Variants in ST8SIA1 observed in about 807,000 individuals in gnomAD.
The protein encoded by ST8SIA1 is ST8 alpha-N-acetyl-neuraminide alpha-2,8-sialyltransferase 1.
Under a neutral mutation model 35.9 loss-of-function variants are expected in ST8SIA1, and 16 were observed. The ratio of observed to expected loss-of-function variants is 0.45; its 90% CI spans 0.30 to 0.68. The LOEUF is 0.68. Among genes scored for constraint, ST8SIA1 ranks in the 30% least tolerant of loss-of-function variants. The pLI is 0.09. For synonymous variants in ST8SIA1, 170 were observed against 169.6 expected, an observed-to-expected ratio of 1.00 and a Z score of -0.02; for missense variants, 383 against 453.6, an observed-to-expected ratio of 0.84 and a Z score of 1.41.
intron 1 of ST8SIA1, among the ~76,000 whole-genome samples, chr12:22,291,858 A>G (rs1866180543): frequency 6.6e-6 from 1 of 152,162 alleles, no homozygotes; most frequent in African/African-American, 2.4e-5. Context: ...ACTACCTAGG[A>G]GAGTAAATTG....
At chr12:22,263,438 T>A (rs1047892747) in intron 2 of ST8SIA1, among the ~76,000 whole-genome samples, 2 of 152,222 alleles carry the variant, frequency 1.3e-5, no homozygotes, top group African/African-American at 4.8e-5. Flanking sequence ...GTTGCTTTTA[T>A]ATGTTGGGAG....
chr12:22,301,921 T>G (rs1339420052), intron 1 of ST8SIA1, among the ~76,000 whole-genome samples: 2 of 152,176 alleles, frequency 1.3e-5, no homozygotes, highest in African/African-American at 4.8e-5. Context: ...AAATCTTATC[T>G]GAGATTCCTT....
intron 4 of ST8SIA1, among the ~76,000 whole-genome samples, chr12:22,211,090 ACT>A (rs1200147787): frequency 1.3e-5 from 2 of 152,062 alleles, no homozygotes; most frequent in African/African-American, 4.8e-5. Flanking sequence ...GCTCAATTAA[ACT>A]CTGTTAAATT....
chr12:22,266,384 A>G (rs1865848944), intron 2 of ST8SIA1, among the ~76,000 whole-genome samples: 1 of 152,036 alleles, frequency 6.6e-6, no homozygotes, highest in African/African-American at 2.4e-5. Context: ...CATTTATTCA[A>G]TACTTCAGAG....
At chr12:22,301,814 C>T (rs555989824) in intron 1 of ST8SIA1, among the ~76,000 whole-genome samples, 12 of 152,126 alleles carry the variant, frequency 7.9e-5, no homozygotes, top group Non-Finnish European at 1.8e-4. Context: ...CTCAGGAGCC[C>T]CAGCCTTTTA....
chr12:22,324,295 G>C (rs1014340502), intron 1 of ST8SIA1: 10 of 152,076 alleles, frequency 6.6e-5, no homozygotes, highest in Non-Finnish European at 1.5e-4. Flanking sequence ...TTTAAAAAAA[G>C]AACTGGCGCT....
At chr12:22,235,334 A>T (rs1865465389) in intron 4 of ST8SIA1, among the ~76,000 whole-genome samples, 1 of 152,218 alleles carries the variant, frequency 6.6e-6, no homozygotes, top group Non-Finnish European at 1.5e-5. Flanking sequence ...TTGGGACTAT[A>T]TTCTATTTAA....
intron 1 of ST8SIA1, among the ~76,000 whole-genome samples, chr12:22,318,769 C>A (rs1305671309): frequency 6.6e-6 from 1 of 152,130 alleles, no homozygotes; most frequent in Non-Finnish European, 1.5e-5. Flanking sequence ...TTATCATTTG[C>A]GATTCATTCC....
chr12:22,304,639 C>T, intron 1 of ST8SIA1, among the ~76,000 whole-genome samples: 1 of 152,132 alleles, frequency 6.6e-6, no homozygotes, highest in Non-Finnish European at 1.5e-5. Flanking sequence ...GCAACAGAGG[C>T]TACTCTCAGG....
intron 2 of ST8SIA1, among the ~76,000 whole-genome samples, chr12:22,265,133 G>T (rs953034893): frequency 6.6e-6 from 1 of 152,194 alleles, no homozygotes; most frequent in African/African-American, 2.4e-5. Flanking sequence ...TACTGATGTT[G>T]TTTCTGAACC....
intron 4 of ST8SIA1, among the ~76,000 whole-genome samples, chr12:22,248,164 T>C (rs943926686): frequency 2.6e-5 from 4 of 152,192 alleles, no homozygotes; most frequent in African/African-American, 9.7e-5. Context: ...AAACAAGTAG[T>C]GCCACGTTGT....
chr12:22,250,976 T>G (rs1865662371), intron 3 of ST8SIA1, among the ~76,000 whole-genome samples: 1 of 152,128 alleles, frequency 6.6e-6, no homozygotes, highest in Non-Finnish European at 1.5e-5. Flanking sequence ...GTCAAGTGGT[T>G]GCCCCATATC....
rs1864949413 is a variant in ST8SIA1 at position 22,193,606 on chromosome 12, A to T, written c.*7946T>A. On this transcript the variant is annotated 3_prime_UTR_variant, in exon 5 of 5. Coordinates refer to ENST00000396037, the MANE Select transcript of ST8SIA1 (RefSeq NM_003034.4). The stretch of plus-strand genomic sequence containing the variant: ...GTCAGCAGAACCAACAGAGATAGAT[A>T]CTAATTTTTCTAATCACACCGTAGA... The T allele has an allele frequency of 6.6e-6, 1 of 152,170 alleles. No homozygotes were observed. The highest frequency in any genetic ancestry group is 1.5e-5 in the Non-Finnish European group (1 of 68,022). The allele number at this position is 152,170 out of a possible 1,614,324, so 9.4% of individuals were successfully genotyped here. A position where few individuals can be genotyped will look rare whatever the true frequency, so the allele number is the denominator to read the frequency against.
At chr12:22,298,881 G>C (rs866239684) in intron 1 of ST8SIA1, among the ~76,000 whole-genome samples, 3 of 152,154 alleles carry the variant, frequency 2.0e-5, no homozygotes, top group Non-Finnish European at 4.4e-5. Context: ...CAGTTAAGGA[G>C]AAGCATAGGC....
chr12:22,262,568 A>AT (rs1199585581), intron 2 of ST8SIA1, among the ~76,000 whole-genome samples: 1 of 152,244 alleles, frequency 6.6e-6, no homozygotes, highest in Non-Finnish European at 1.5e-5. Context: ...CTAGAAGCAC[A>AT]TGAGTTAACC....
intron 2 of ST8SIA1, among the ~76,000 whole-genome samples, chr12:22,258,533 T>C (rs899607303): frequency 7.2e-5 from 11 of 152,008 alleles, no homozygotes; most frequent in African/African-American, 2.7e-4. Context: ...ATGCTATTGA[T>C]AGATTAAGTA....
intron 4 of ST8SIA1, among the ~76,000 whole-genome samples, chr12:22,207,873 G>A (rs948122597): frequency 6.6e-5 from 10 of 151,940 alleles, no homozygotes; most frequent in African/African-American, 1.4e-4. Context: ...AGCCAGGCGC[G>A]GTGGCTCACG....
At chr12:22,264,067 C>A (rs984855929) in intron 2 of ST8SIA1, among the ~76,000 whole-genome samples, 1 of 152,134 alleles carries the variant, frequency 6.6e-6, no homozygotes, top group Non-Finnish European at 1.5e-5. Flanking sequence ...CCTGGACTCC[C>A]ACACACAATT....
intron 4 of ST8SIA1, among the ~76,000 whole-genome samples, chr12:22,224,129 T>C (rs1038686670): frequency 6.6e-6 from 1 of 152,154 alleles, no homozygotes; most frequent in African/African-American, 2.4e-5. Context: ...TTGTTAAAAA[T>C]AGATAATTTG....
Sources: gnomAD v4.1 joint callset for allele counts (sites outside exome capture counted in the v4.1 genomes callset) on GRCh38, gnomAD v4.1.1 for gene constraint, MANE v1.5 for transcripts, NCBI Gene and HGNC (gene_info 2026-07-23, HGNC 2026-07-21) for gene names.